RFTN2: variants seen among roughly 807,000 people sequenced by gnomAD.
RFTN2 encodes raftlin family member 2.
A neutral mutation model predicts 52.7 loss-of-function variants in RFTN2; 34 were observed. The observed-to-expected ratio is 0.64, with a 90% CI of 0.49 to 0.86. The LOEUF (loss-of-function observed/expected upper bound fraction) is 0.86. Ranked by LOEUF, RFTN2 falls within the 40% of genes least tolerant of loss-of-function variation. The probability of loss-of-function intolerance (pLI) is 0.00; values close to 1 mark genes in which losing one functional copy is unlikely to be tolerated. For synonymous variants in RFTN2, 203 were observed against 217.7 expected (o/e 0.93, Z 0.59); for missense variants, 536 against 600.1 (o/e 0.89, Z 1.12).
rs552957423 is a variant in RFTN2, at chr2:197,671,764, C to T, written c.139+3556G>A. Among the ~76,000 whole-genome samples, 8 of 152,276 alleles carry T rather than the reference C, an allele frequency of 5.3e-5. No individual in the cohort carries two copies. The East Asian group carries it at 9.6e-4, about 18-fold the overall frequency. On this transcript the variant is annotated intron_variant, in intron 1 of 8. Transcript: ENST00000295049. ...AATTTCACTCACATTTTATGTAATT[C>T]TACCAGAAATTCAGATAAGGAAGCT... is the stretch of plus-strand genomic sequence containing the variant.
chr2:197,635,740 A>T (rs1213801431), intron 3 of RFTN2, among the ~76,000 whole-genome samples: 429 of 114,962 alleles, frequency 3.7e-3, no homozygotes, highest in South Asian at 7.7e-3. Context: ...TCTTTAGTTT[A>T]ATTAGATCCC....
chr2:197,606,875 G>A, intron 7 of RFTN2, among the ~76,000 whole-genome samples: 1 of 152,116 alleles, frequency 6.6e-6, no homozygotes, highest in Non-Finnish European at 1.5e-5. Context: ...CTTTTACACT[G>A]TTGGTGGGAC....
chr2:197,640,985 G>T (rs1229574676), intron 3 of RFTN2, among the ~76,000 whole-genome samples: 1 of 152,166 alleles, frequency 6.6e-6, no homozygotes, highest in African/African-American at 2.4e-5. Context: ...CTACTCATAG[G>T]TGCTCTATAA....
intron 1 of RFTN2, among the ~76,000 whole-genome samples, chr2:197,646,930 C>T (rs1399849642): frequency 6.9e-6 from 1 of 145,024 alleles, no homozygotes; most frequent in Admixed American, 6.9e-5. Context: ...ACTCCAATGG[C>T]TTAATCTCAG....
At chr2:197,581,467 G>A (rs1027272974) in intron 8 of RFTN2, among the ~76,000 whole-genome samples, 3 of 152,122 alleles carry the variant, frequency 2.0e-5, no homozygotes, top group East Asian at 1.9e-4. Context: ...CTCTACTGCC[G>A]CAAGCCTTCA....
intron 2 of RFTN2, among the ~76,000 whole-genome samples, chr2:197,646,073 A>G (rs1451306412): frequency 6.6e-6 from 1 of 152,278 alleles, no homozygotes; most frequent in Admixed American, 6.5e-5. Flanking sequence ...TGTTGCCACT[A>G]TTAATAAAAC....
Position 197,633,809 on chromosome 2 carries a change from G to A in RFTN2, c.627C>T (p.Ser209=), listed in dbSNP as rs754623132. The A allele has an allele frequency of 2.2e-5, 35 of 1,613,418 alleles. No homozygotes were observed. Among genetic ancestry groups the A allele is most frequent in the Middle Eastern group, 1.6e-4 (1 of 6,080 alleles). ...EGTLSGQSSE[S]GIEEELHHES... is the part of the protein sequence containing the mutation. ...CATGATGAAGTTCTTCCTCAATTCC[G>A]CTTTCAGATGACTGCCCACTTAACG... Residue 209 remains serine, a synonymous_variant, in exon 4 of 9, where the codon AGC becomes AGT. Transcript: ENST00000295049.
At chr2:197,634,555 T>C (rs945024086) in intron 3 of RFTN2, among the ~76,000 whole-genome samples, 9 of 152,128 alleles carry the variant, frequency 5.9e-5, no homozygotes, top group Middle Eastern at 3.2e-3. Context: ...TCGGCTTATG[T>C]CTTTATGGTA....
At position 197,570,936 on chromosome 2, in the gene RFTN2, C is replaced by T. The variant is rs567595066; in HGVS notation, c.*1072G>A. The T allele has an allele frequency of 4.2e-4, 64 of 152,282 alleles. No homozygotes were observed. The highest frequency in any genetic ancestry group is 1.5e-3 in the African/African-American group (61 of 41,532). The allele number at this position is 152,282 out of a possible 1,614,324, so 9.4% of individuals were successfully genotyped here. On this transcript the variant is annotated 3_prime_UTR_variant, in exon 9 of 9. Coordinates refer to ENST00000295049, the MANE Select transcript of RFTN2 (RefSeq NM_144629.3). ...TGGAGGTTCCATCTTTCAAAGTAAG[C>T]CTTTCATAGATAAATGAAAATCCTT...
At chr2:197,592,438 G>A (rs1021270094) in intron 8 of RFTN2, among the ~76,000 whole-genome samples, 6 of 152,124 alleles carry the variant, frequency 3.9e-5, no homozygotes, top group Admixed American at 1.3e-4. Context: ...CAGATGATCC[G>A]CCCGCCTTGG....
chr2:197,601,692 T>C (rs2087883488), intron 7 of RFTN2, among the ~76,000 whole-genome samples: 1 of 152,156 alleles, frequency 6.6e-6, no homozygotes, highest in Admixed American at 6.5e-5. Context: ...TCTAAGCTTA[T>C]TTTACCAAAT....
chr2:197,669,245 T>G (rs917635412), intron 1 of RFTN2, among the ~76,000 whole-genome samples: 12 of 152,348 alleles, frequency 7.9e-5, no homozygotes, highest in African/African-American at 2.9e-4. Flanking sequence ...ATCTTCTTAA[T>G]ATGCTACATT....
At chr2:197,590,901 T>A (rs890281448) in intron 8 of RFTN2, among the ~76,000 whole-genome samples, 5 of 152,276 alleles carry the variant, frequency 3.3e-5, no homozygotes, top group Admixed American at 6.5e-5. Context: ...GCACAATTTA[T>A]TGCAAAAAGT....
chr2:197,646,460 T>C, intron 2 of RFTN2, 23 bp downstream of exon 2: 1 of 1,585,106 alleles, frequency 6.3e-7, no homozygotes, highest in Non-Finnish European at 8.6e-7. Context: ...CTCACCTGCC[T>C]CTTTCTTGAA....
chr2:197,578,862 T>A (rs1470722908), intron 8 of RFTN2, among the ~76,000 whole-genome samples: 1 of 152,148 alleles, frequency 6.6e-6, no homozygotes, highest in Admixed American at 6.5e-5. Flanking sequence ...GAAAGATCCA[T>A]CTACAACCTT....
intron 8 of RFTN2, among the ~76,000 whole-genome samples, chr2:197,590,271 C>G (rs1211791465): frequency 2.0e-5 from 3 of 152,030 alleles, no homozygotes; most frequent in African/African-American, 7.3e-5. Context: ...TAATAGTTTT[C>G]TAGTTTAACT....
intron 8 of RFTN2, among the ~76,000 whole-genome samples, chr2:197,579,218 T>G (rs1010924909): frequency 6.6e-6 from 1 of 152,156 alleles, no homozygotes; most frequent in Admixed American, 6.5e-5. Context: ...CCTTGATCCT[T>G]CACCTAGTGG....
At chr2:197,633,674 C>A in intron 4 of RFTN2, 44 bp downstream of exon 4, 1 of 1,511,752 alleles carries the variant, frequency 6.6e-7, no homozygotes, top group Non-Finnish European at 9.0e-7. Context: ...ACTTATTTTG[C>A]TTAAACTATA....
chr2:197,576,167 C>A (rs1402594838), intron 8 of RFTN2, among the ~76,000 whole-genome samples: 1 of 151,808 alleles, frequency 6.6e-6, no homozygotes, highest in Non-Finnish European at 1.5e-5. Context: ...CGCCACCTTG[C>A]CAGCTAATTT....
Sources: allele counts gnomAD v4.1 joint callset (sites outside exome capture counted in the v4.1 genomes callset), GRCh38; gene constraint gnomAD v4.1.1; transcripts MANE v1.5; gene names NCBI Gene and HGNC (gene_info 2026-07-23, HGNC 2026-07-21).